Variants in LRRC7 observed in about 807,000 individuals in gnomAD.
The protein encoded by LRRC7 is leucine rich repeat containing 7, also known as leucine-rich repeat-containing protein 7.
LRRC7 carries 23 observed loss-of-function variants against 175.7 expected under a neutral mutation model. That is an observed-to-expected ratio of 0.13 (90% CI 0.09 to 0.19). The LOEUF (loss-of-function observed/expected upper bound fraction) is 0.19, where lower values mean the gene tolerates loss of function less well. Ranked by LOEUF, LRRC7 falls within the 10% of genes least tolerant of loss-of-function variation. LRRC7 has a pLI of 1.00. For missense variants in LRRC7, 1,354 were observed against 1,904.7 expected (o/e 0.71, Z 5.38); for synonymous variants, 685 against 680.9 (o/e 1.01, Z -0.09).
At chr1:69,663,630 C>T (rs1657808303) in intron 1 of LRRC7, among the ~76,000 whole-genome samples, 1 of 151,972 alleles carries the variant, frequency 6.6e-6, no homozygotes, top group East Asian at 1.9e-4. Flanking sequence ...TTCCCCTACA[C>T]CCTCACTACC....
intron 3 of LRRC7, among the ~76,000 whole-genome samples, chr1:69,768,275 T>C (rs982289481): frequency 6.6e-5 from 10 of 152,184 alleles, no homozygotes; most frequent in Admixed American, 2.6e-4. Context: ...CTGGAGCAGT[T>C]TGGCCACATG....
At chr1:69,730,908 G>A (rs1020746212) in intron 2 of LRRC7, among the ~76,000 whole-genome samples, 8 of 152,106 alleles carry the variant, frequency 5.3e-5, no homozygotes, top group Non-Finnish European at 7.4e-5. Flanking sequence ...GGAGGCCTCA[G>A]AAAACTTACA....
intron 7 of LRRC7, among the ~76,000 whole-genome samples, chr1:69,864,478 G>A (rs1684700975): frequency 1.3e-5 from 2 of 152,274 alleles, no homozygotes; most frequent in South Asian, 4.2e-4. Context: ...AGAAGAGAAG[G>A]CTAGTGAAGC....
At chr1:69,812,873 G>C (rs906820976) in intron 4 of LRRC7, among the ~76,000 whole-genome samples, 9 of 152,020 alleles carry the variant, frequency 5.9e-5, no homozygotes, top group African/African-American at 1.9e-4. Context: ...ATGTCTGTAT[G>C]GTAGATGTTT....
intron 8 of LRRC7, among the ~76,000 whole-genome samples, chr1:69,963,324 G>T (rs555626504): frequency 6.7e-6 from 1 of 150,296 alleles, no homozygotes; most frequent in Non-Finnish European, 1.5e-5. Flanking sequence ...AAAAAAGAAA[G>T]AAAGAAACAA....
chr1:69,826,883 T>C (rs939912931), intron 5 of LRRC7, among the ~76,000 whole-genome samples: 1 of 152,156 alleles, frequency 6.6e-6, no homozygotes, highest in South Asian at 2.1e-4. Context: ...TGGTTCTCTA[T>C]GGATGATGGG....
chr1:69,828,904 C>T (rs1680232336), intron 5 of LRRC7, among the ~76,000 whole-genome samples: 2 of 151,764 alleles, frequency 1.3e-5, no homozygotes, highest in South Asian at 4.1e-4. Flanking sequence ...TTTCATCAAA[C>T]TTCTAGAGTA....
chr1:69,660,898 C>T (rs1404480306), intron 1 of LRRC7, among the ~76,000 whole-genome samples: 2 of 151,924 alleles, frequency 1.3e-5, no homozygotes, highest in African/African-American at 2.4e-5. Flanking sequence ...ATGAGGGAGA[C>T]GGATTGTAGC....
At chr1:70,009,449 A>C (rs576710572) in intron 11 of LRRC7, among the ~76,000 whole-genome samples, 1 of 151,250 alleles carries the variant, frequency 6.6e-6, no homozygotes, top group Non-Finnish European at 1.5e-5. Context: ...AGAGTAACAC[A>C]GTTATGTACA....
intron 24 of LRRC7, among the ~76,000 whole-genome samples, chr1:70,086,500 C>G (rs1306483068): frequency 6.6e-6 from 1 of 152,110 alleles, no homozygotes; most frequent in East Asian, 1.9e-4. Flanking sequence ...AAAACTGAGT[C>G]TGGCGTGGTG....
chr1:69,997,970 G>A (rs1163896142), intron 11 of LRRC7, among the ~76,000 whole-genome samples: 4 of 152,114 alleles, frequency 2.6e-5, no homozygotes, highest in African/African-American at 9.7e-5. Flanking sequence ...AGTTTCAGAA[G>A]GAATGGTGCC....
intron 4 of LRRC7, among the ~76,000 whole-genome samples, chr1:69,811,333 T>C (rs1677834387): frequency 6.6e-6 from 1 of 152,146 alleles, no homozygotes; most frequent in Non-Finnish European, 1.5e-5. Context: ...GAGTGTAAAT[T>C]AGTTCAACCA....
intron 2 of LRRC7, among the ~76,000 whole-genome samples, chr1:69,698,536 T>C (rs549761865): frequency 6.6e-6 from 1 of 152,354 alleles, no homozygotes; most frequent in East Asian, 1.9e-4. Flanking sequence ...CCTTTTATTA[T>C]TTCTGCTTCC....
Position 70,118,122 on chromosome 1 carries a change from A to T in LRRC7, c.4621-3658A>T, listed in dbSNP as rs532944027. Among the ~76,000 whole-genome samples the T allele has an allele frequency of 7.9e-5, 12 of 151,922 alleles. No individual in the cohort carries two copies. The South Asian group carries it at 1.5e-3, about 18-fold the overall frequency. ...ACGAACAAAAATGCAAAACTCCATT[A>T]GTTGGAATATTGTGATTCTTCTGGT... is the stretch of plus-strand genomic sequence containing the variant. On this transcript the variant is annotated intron_variant, in intron 26 of 26. Transcript: ENST00000651989.
intron 1 of LRRC7, among the ~76,000 whole-genome samples, chr1:69,648,902 G>A (rs1655381671): frequency 6.6e-6 from 1 of 152,016 alleles, no homozygotes; most frequent in South Asian, 2.1e-4. Flanking sequence ...ATATTTAAAG[G>A]TATCACTATG....
At chr1:69,980,612 T>G (rs1489538312) in intron 9 of LRRC7, among the ~76,000 whole-genome samples, 159 bp downstream of exon 9, 2 of 152,128 alleles carry the variant, frequency 1.3e-5, no homozygotes. Context: ...ATTTTTTTTT[T>G]TAGTATTTTA....
At chr1:69,713,336 A>G (rs1664995537) in intron 2 of LRRC7, among the ~76,000 whole-genome samples, 1 of 151,756 alleles carries the variant, frequency 6.6e-6, no homozygotes, top group Non-Finnish European at 1.5e-5. Flanking sequence ...AAAAATGTAT[A>G]TATATATATT....
intron 1 of LRRC7, among the ~76,000 whole-genome samples, chr1:69,600,950 T>C (rs1390466362): frequency 6.8e-6 from 1 of 146,102 alleles, no homozygotes. Flanking sequence ...TAGCTGGAAT[T>C]ACAGGCAGGC....
At chr1:69,899,241 A>G (rs575198587) in intron 7 of LRRC7, among the ~76,000 whole-genome samples, 3 of 152,308 alleles carry the variant, frequency 2.0e-5, no homozygotes, top group African/African-American at 7.2e-5. Flanking sequence ...GTCACAAAAA[A>G]TCGTCAATCA....
Sources: gnomAD v4.1 joint callset for allele counts (sites outside exome capture counted in the v4.1 genomes callset) on GRCh38, gnomAD v4.1.1 for gene constraint, MANE v1.5 for transcripts, NCBI Gene and HGNC (gene_info 2026-07-23, HGNC 2026-07-21) for gene names.